Variants in NPAS3 observed in about 807,000 individuals in gnomAD.
NPAS3 encodes the protein neuronal PAS domain protein 3.
In NPAS3, 14 loss-of-function variants were observed where a neutral mutation model predicts 73.1. That is an observed-to-expected ratio of 0.19 (90% CI 0.13 to 0.30). The LOEUF (loss-of-function observed/expected upper bound fraction) is 0.30. Among genes scored for constraint, NPAS3 ranks in the 10% least tolerant of loss-of-function variants. The pLI is 1.00. For missense variants in NPAS3, 1,096 were observed against 1,250.0 expected (o/e 0.88, Z 1.86); for synonymous variants, 620 against 541.5 (o/e 1.14, Z -2.01).
intron 3 of NPAS3, among the ~76,000 whole-genome samples, chr14:33,271,106 G>T (rs1043732323): frequency 4.6e-5 from 7 of 152,158 alleles, no homozygotes; most frequent in African/African-American, 1.7e-4. Flanking sequence ...AAAGAAGTAT[G>T]GACAGTCATA....
chr14:33,520,829 C>T (rs752192550), intron 4 of NPAS3, among the ~76,000 whole-genome samples: 2 of 152,076 alleles, frequency 1.3e-5, no homozygotes, highest in Admixed American at 6.6e-5. Context: ...AGGCGAGGAC[C>T]GCTGTGCAGA....
At chr14:33,798,841 A>G (rs1945183569) in intron 11 of NPAS3, among the ~76,000 whole-genome samples, 1 of 152,102 alleles carries the variant, frequency 6.6e-6, no homozygotes, top group Non-Finnish European at 1.5e-5. Flanking sequence ...ACAAGTAAAT[A>G]AAACTAAAAT....
At chr14:33,461,603 G>C (rs1175283735) in intron 4 of NPAS3, among the ~76,000 whole-genome samples, 1 of 152,226 alleles carries the variant, frequency 6.6e-6, no homozygotes, top group African/African-American at 2.4e-5. Context: ...CATTTGGTTA[G>C]GATTTGTATT....
chr14:33,765,500 CG>C (rs764693589), intron 7 of NPAS3, among the ~76,000 whole-genome samples: 47 of 152,032 alleles, frequency 3.1e-4, no homozygotes, highest in Non-Finnish European at 5.6e-4. Flanking sequence ...CACTGTGGTG[CG>C]GCCACTGAGA....
At chr14:33,631,371 CAATGGGATG>C (rs2058372254) in intron 5 of NPAS3, among the ~76,000 whole-genome samples, 1 of 152,210 alleles carries the variant, frequency 6.6e-6, no homozygotes, top group South Asian at 2.1e-4. Flanking sequence ...AGAAATACAG[CAATGGGATG>C]AATTTACTAA....
At chr14:33,232,078 C>A (rs1327737241) in intron 3 of NPAS3, among the ~76,000 whole-genome samples, 3 of 152,136 alleles carry the variant, frequency 2.0e-5, no homozygotes, top group African/African-American at 7.2e-5. Context: ...CACATTCTAG[C>A]CAGAACCCCC....
chr14:33,197,271 T>TGTGTGTGTG (rs1466236792), intron 2 of NPAS3, among the ~76,000 whole-genome samples: 363 of 28,948 alleles, frequency 0.013, no homozygotes, highest in African/African-American at 0.032. Context: ...GTGTGTGTTC[T>TGTGTGTGTG]TTTTCAATTG....
chr14:33,339,676 C>G (rs544866347), intron 3 of NPAS3, among the ~76,000 whole-genome samples: 33 of 152,072 alleles, frequency 2.2e-4, no homozygotes, highest in Middle Eastern at 6.8e-3. Flanking sequence ...TTAGTCCTGT[C>G]AAATGACATA....
At chr14:33,296,357 G>A (rs75328857) in intron 3 of NPAS3, among the ~76,000 whole-genome samples, 4,338 of 152,202 alleles carry the variant, frequency 0.029, 200 homozygotes, top group East Asian at 0.19. Flanking sequence ...CACATACACG[G>A]CCACCTTACT....
chr14:33,703,830 A>G (rs1481800381), intron 6 of NPAS3, among the ~76,000 whole-genome samples: 2 of 152,128 alleles, frequency 1.3e-5, no homozygotes, highest in Non-Finnish European at 2.9e-5. Context: ...CAAAAAGGCT[A>G]AATAACTCAT....
chr14:33,263,522 G>A (rs537012564), intron 3 of NPAS3, among the ~76,000 whole-genome samples: 3 of 152,262 alleles, frequency 2.0e-5, no homozygotes, highest in African/African-American at 7.2e-5. Flanking sequence ...GGTTACTGTA[G>A]CCTTGTAGTA....
chr14:33,652,635 G>A (rs1308644168), intron 5 of NPAS3, among the ~76,000 whole-genome samples: 1 of 152,156 alleles, frequency 6.6e-6, no homozygotes, highest in African/African-American at 2.4e-5. Flanking sequence ...ACGAGATGAG[G>A]GACTTTTCCT....
chr14:33,434,750 CAAG>C (rs2048916459), intron 4 of NPAS3, among the ~76,000 whole-genome samples: 1 of 152,044 alleles, frequency 6.6e-6, no homozygotes, highest in Non-Finnish European at 1.5e-5. Flanking sequence ...AAACAAGTAT[CAAG>C]AATATAGTAC....
chr14:33,523,775 G>C (rs2140121318), intron 4 of NPAS3, among the ~76,000 whole-genome samples: 1 of 151,714 alleles, frequency 6.6e-6, no homozygotes, highest in South Asian at 2.1e-4. Context: ...GCAAGACTTT[G>C]TCTCAAGAAA....
intron 3 of NPAS3, among the ~76,000 whole-genome samples, chr14:33,249,850 G>A (rs1449681848): frequency 6.6e-6 from 1 of 151,326 alleles, no homozygotes; most frequent in African/African-American, 2.4e-5. Flanking sequence ...TACTACACTG[G>A]GTAACTGCAT....
At chr14:32,935,080 T>G (rs770079104), upstream of NPAS3, 19 of 871,476 alleles carry the variant, frequency 2.2e-5, no homozygotes, top group East Asian at 4.8e-4. Context: ...CCTCCTGTTT[T>G]GTGTCTTACA....
At chr14:33,717,925 T>A (rs1190963491) in intron 6 of NPAS3, among the ~76,000 whole-genome samples, 1 of 152,100 alleles carries the variant, frequency 6.6e-6, no homozygotes, top group Non-Finnish European at 1.5e-5. Flanking sequence ...ATTGAGAAAG[T>A]CTAGCCAGTC....
intron 2 of NPAS3, among the ~76,000 whole-genome samples, chr14:33,126,623 G>A (rs1020887948): frequency 7.2e-5 from 11 of 152,082 alleles, no homozygotes; most frequent in African/African-American, 2.7e-4. Flanking sequence ...AGGATGAAAG[G>A]GTTTGGATGG....
chr14:33,567,164 T>C (rs2055996882), intron 5 of NPAS3, among the ~76,000 whole-genome samples: 1 of 152,156 alleles, frequency 6.6e-6, no homozygotes, highest in South Asian at 2.1e-4. Context: ...AAGCAGCAAA[T>C]ACCCTGCCTG....
Sources: allele counts gnomAD v4.1 joint callset (sites outside exome capture counted in the v4.1 genomes callset), GRCh38; gene constraint gnomAD v4.1.1; transcripts MANE v1.5; gene names NCBI Gene and HGNC (gene_info 2026-07-23, HGNC 2026-07-21).